The following PDE3A variants were observed in gnomAD, a reference collection of about 807,000 sequenced individuals.
The protein encoded by PDE3A is phosphodiesterase 3A, also known as cGMP-inhibited 3',5'-cyclic phosphodiesterase 3A.
A neutral mutation model predicts 98.3 loss-of-function variants in PDE3A; 43 were observed. The observed-to-expected ratio is 0.44, with a 90% CI of 0.34 to 0.56. The LOEUF is 0.56. Among genes scored for constraint, PDE3A ranks in the 20% least tolerant of loss-of-function variants. The pLI, the probability that PDE3A is intolerant of heterozygous loss-of-function variation, is 0.01. For synonymous variants in PDE3A, 663 were observed against 567.9 expected (o/e 1.17, Z -2.38); for missense variants, 1,427 against 1,440.7 (o/e 0.99, Z 0.15).
intron 1 of PDE3A, among the ~76,000 whole-genome samples, chr12:20,386,229 AAAATAT>A (rs1176066989): frequency 9.2e-6 from 1 of 108,524 alleles, no homozygotes; most frequent in Non-Finnish European, 1.7e-5. Context: ...ATAAAAAATA[AAAATAT>A]AAATATAAAT....
chr12:20,518,703 A>G (rs1335770399), intron 1 of PDE3A, among the ~76,000 whole-genome samples: 1 of 152,088 alleles, frequency 6.6e-6, no homozygotes, highest in Admixed American at 6.6e-5. Context: ...ATGGTGACCA[A>G]TTTTTTTGGT....
At chr12:20,570,150 G>A (rs1290174784) in intron 2 of PDE3A, among the ~76,000 whole-genome samples, 2 of 152,110 alleles carry the variant, frequency 1.3e-5, no homozygotes, top group African/African-American at 2.4e-5. Flanking sequence ...GCTCACGCCT[G>A]TAATCCCAGT....
At chr12:20,676,227 A>G (rs1167159816) in intron 15 of PDE3A, among the ~76,000 whole-genome samples, 1 of 152,068 alleles carries the variant, frequency 6.6e-6, no homozygotes, top group Non-Finnish European at 1.5e-5. Context: ...TTCACATGTC[A>G]GCCTCCCTGA....
intron 1 of PDE3A, among the ~76,000 whole-genome samples, chr12:20,380,945 A>T (rs561657489): frequency 1.9e-4 from 29 of 152,002 alleles, no homozygotes; most frequent in African/African-American, 7.0e-4. Context: ...TGAGACAAGG[A>T]GCTAACTGTG....
chr12:20,547,688 C>T (rs1223295403), intron 1 of PDE3A, among the ~76,000 whole-genome samples: 2 of 151,940 alleles, frequency 1.3e-5, no homozygotes, highest in Non-Finnish European at 2.9e-5. Context: ...TTTTTTATTT[C>T]CCATCTAGTT....
intron 1 of PDE3A, among the ~76,000 whole-genome samples, chr12:20,469,795 T>C (rs1945405356): frequency 6.6e-6 from 1 of 152,208 alleles, no homozygotes; most frequent in African/African-American, 2.4e-5. Flanking sequence ...AAATAGTAAG[T>C]TATCTAGGAA....
rs894646973 is a variant in PDE3A, at chr12:20,686,811, C to T, written c.*6540C>T. The stretch of plus-strand genomic sequence containing the variant: ...TCGACTTAAGTTCTAGTTCCTCAAG[C>T]CTGCTTTCCTTGTAAAGTCCATGGT... On this transcript the variant is annotated 3_prime_UTR_variant, in exon 16 of 16. Coordinates refer to ENST00000359062, the MANE Select transcript of PDE3A (RefSeq NM_000921.5). Among the ~76,000 whole-genome samples, 1 of 152,140 alleles carries T rather than the reference C, an allele frequency of 6.6e-6. No individual in the cohort carries two copies. Among genetic ancestry groups the T allele is most frequent in the African/African-American group, 2.4e-5 (1 of 41,452 alleles).
chr12:20,627,812 T>C (rs527281410), intron 5 of PDE3A, among the ~76,000 whole-genome samples: 6 of 152,310 alleles, frequency 3.9e-5, no homozygotes, highest in Non-Finnish European at 7.3e-5. Flanking sequence ...TAACTACTTG[T>C]TGGATGAAGA....
rs554880049 is a variant in PDE3A at position 20,673,558 on chromosome 12, G to C, written c.3185-6472G>C. ...AGTTCATGTCCTTTGTAGGGACATGGATGAAATTGGAAAACATCATTCTCA... is the reference window on the plus strand; with the variant it reads ...AGTTCATGTCCTTTGTAGGGACATGCATGAAATTGGAAAACATCATTCTCA... On this transcript the variant is annotated intron_variant, in intron 15 of 15. Transcript: ENST00000359062. 9.1e-4 allele frequency among the ~76,000 whole-genome samples: 136 copies of C among 150,042 alleles called. 1 individual carries two copies. In the Middle Eastern group the frequency reaches 0.01, roughly 11 times the overall value.
rs550032576 is a variant in PDE3A at position 20,503,939 on chromosome 12, G to A, written c.961-52721G>A. Among the ~76,000 whole-genome samples, 159 of 152,124 alleles carry A rather than the reference G, an allele frequency of 1.0e-3. 1 individual carries two copies. Among genetic ancestry groups the A allele is most frequent in the African/African-American group, 3.7e-3 (152 of 41,520 alleles). On this transcript the variant is annotated intron_variant, in intron 1 of 15. Coordinates refer to ENST00000359062, the MANE Select transcript of PDE3A (RefSeq NM_000921.5). ...TTTTTGTTGAAAAAGAAAATACCATGACAACTGACTGTCTTCAGAATCATC... is the reference window on the plus strand; with the variant it reads ...TTTTTGTTGAAAAAGAAAATACCATAACAACTGACTGTCTTCAGAATCATC...
intron 1 of PDE3A, among the ~76,000 whole-genome samples, chr12:20,420,164 A>G (rs551337982): frequency 1.3e-5 from 2 of 152,318 alleles, no homozygotes; most frequent in East Asian, 3.9e-4. Flanking sequence ...TATAGAAAGA[A>G]CACTATTCTA....
chr12:20,378,669 G>A (rs1943613933), intron 1 of PDE3A, among the ~76,000 whole-genome samples: 1 of 151,820 alleles, frequency 6.6e-6, no homozygotes, highest in Admixed American at 6.6e-5. Flanking sequence ...ACTTAATTTA[G>A]AGTTCTTGAA....
At chr12:20,560,765 T>C (rs11045310) in intron 2 of PDE3A, among the ~76,000 whole-genome samples, 69,189 of 151,922 alleles carry the variant, frequency 0.46, 15,920 homozygotes, top group Admixed American at 0.55. Context: ...GATTCAGGAC[T>C]GAGGAAATGG....
At chr12:20,485,639 A>T (rs113546706) in intron 1 of PDE3A, among the ~76,000 whole-genome samples, 3 of 152,322 alleles carry the variant, frequency 2.0e-5, no homozygotes, top group African/African-American at 7.2e-5. Context: ...CTCTCTGCTG[A>T]TATTGACATG....
At chr12:20,397,262 T>TTA (rs1263392599) in intron 1 of PDE3A, among the ~76,000 whole-genome samples, 4 of 152,030 alleles carry the variant, frequency 2.6e-5, no homozygotes, top group Non-Finnish European at 5.9e-5. Flanking sequence ...CTATATGTCT[T>TTA]TATATATGTC....
At chr12:20,610,033 A>C (rs1943809690) in intron 2 of PDE3A, among the ~76,000 whole-genome samples, 1 of 152,032 alleles carries the variant, frequency 6.6e-6, no homozygotes, top group Non-Finnish European at 1.5e-5. Context: ...CAAAAGAGAA[A>C]AAATAAGTAA....
At chr12:20,624,639 C>T (rs1275307326) in intron 5 of PDE3A, among the ~76,000 whole-genome samples, 2 of 152,166 alleles carry the variant, frequency 1.3e-5, no homozygotes, top group Non-Finnish European at 2.9e-5. Flanking sequence ...ACAGCTGTCA[C>T]AGCACAGCTA....
intron 1 of PDE3A, among the ~76,000 whole-genome samples, chr12:20,454,901 T>C (rs1945129554): frequency 6.6e-6 from 1 of 152,208 alleles, no homozygotes; most frequent in South Asian, 2.1e-4. Flanking sequence ...ATTCCATGTC[T>C]TTGCTATTGT....
intron 2 of PDE3A, among the ~76,000 whole-genome samples, chr12:20,590,782 T>G (rs963963882): frequency 6.6e-6 from 1 of 152,136 alleles, no homozygotes; most frequent in African/African-American, 2.4e-5. Flanking sequence ...AAATTAGAAA[T>G]GAATTCATGA....
Sources: allele counts gnomAD v4.1 joint callset (sites outside exome capture counted in the v4.1 genomes callset), GRCh38; gene constraint gnomAD v4.1.1; transcripts MANE v1.5; gene names NCBI Gene and HGNC (gene_info 2026-07-23, HGNC 2026-07-21).